The following SPATA31H1 variants were observed in gnomAD, a reference collection of about 807,000 sequenced individuals.
SPATA31H1 encodes the protein SPATA31 subfamily H member 1.
At chr2:27,570,169 C>T in the SPATA31H1 span, 1 of 398,754 alleles carries the variant, frequency 2.5e-6, no homozygotes, top group African/African-American at 2.1e-5. Context: ...ATGCAGTTGA[C>T]ACCAGGAGCT....
chr2:27,539,565 T>C, the SPATA31H1 span, among the ~76,000 whole-genome samples: 706 of 115,018 alleles, frequency 6.1e-3, 1 homozygote, highest in Non-Finnish European at 8.3e-3. Context: ...TTTTCCCCAC[T>C]CTTCCCGCCT....
chr2:27,539,172 G>A, the SPATA31H1 span, among the ~76,000 whole-genome samples: 1 of 141,738 alleles, frequency 7.1e-6, no homozygotes, highest in East Asian at 2.0e-4. Flanking sequence ...ATTTGGCAGG[G>A]TCATAGGACA....
At chr2:27,570,456 A>G in the SPATA31H1 span, 1 of 398,984 alleles carries the variant, frequency 2.5e-6, no homozygotes, top group Admixed American at 4.4e-5. Flanking sequence ...TCCAGGATCA[A>G]TGTTTCATAG....
At chr2:27,555,060 CCTT>C in the SPATA31H1 span, among the ~76,000 whole-genome samples, 2 of 151,924 alleles carry the variant, frequency 1.3e-5, no homozygotes, top group African/African-American at 2.4e-5. Flanking sequence ...AAGGAAGTCT[CCTT>C]CTATTCCTGT....
At chr2:27,544,844 G>A in the SPATA31H1 span, among the ~76,000 whole-genome samples, 4 of 151,622 alleles carry the variant, frequency 2.6e-5, no homozygotes, top group Non-Finnish European at 5.9e-5. Context: ...CACTTCATCC[G>A]GCCGACAACA....
chr2:27,574,349 G>A, the SPATA31H1 span: 10 of 398,098 alleles, frequency 2.5e-5, no homozygotes, highest in Non-Finnish European at 3.1e-5. Context: ...GTGTGAAATC[G>A]GTAGAATTCA....
chr2:27,563,708 C>T, the SPATA31H1 span, among the ~76,000 whole-genome samples: 4 of 151,658 alleles, frequency 2.6e-5, no homozygotes, highest in African/African-American at 7.3e-5. Context: ...TACAGGTGCA[C>T]GCCACCATGC....
the SPATA31H1 span, among the ~76,000 whole-genome samples, chr2:27,539,672 C>T: frequency 1.0e-5 from 1 of 99,666 alleles, no homozygotes; most frequent in Non-Finnish European, 2.0e-5. Context: ...AGAGGGGCTC[C>T]TCACTTCCCA....
At chr2:27,541,403 G>C in the SPATA31H1 span, among the ~76,000 whole-genome samples, 1 of 151,490 alleles carries the variant, frequency 6.6e-6, no homozygotes, top group Non-Finnish European at 1.5e-5. Flanking sequence ...CCGTGGGAAG[G>C]GGGAGAGAGA....
chr2:27,567,874 T>C, the SPATA31H1 span: 1 of 398,926 alleles, frequency 2.5e-6, no homozygotes, highest in Non-Finnish European at 4.4e-6. Context: ...ATGGATTCAA[T>C]GGGGATGATC....
chr2:27,563,420 G>T, the SPATA31H1 span, among the ~76,000 whole-genome samples: 3 of 100,972 alleles, frequency 3.0e-5, no homozygotes, highest in Admixed American at 1.5e-4. Context: ...TTGAGACAGG[G>T]TCTTACTGTA....
chr2:27,578,509 C>T, the SPATA31H1 span: 1 of 1,614,094 alleles, frequency 6.2e-7, no homozygotes, highest in Non-Finnish European at 8.5e-7. Context: ...CTGATAGTAC[C>T]TGCAGAATTA....
chr2:27,556,849 T>C, the SPATA31H1 span, among the ~76,000 whole-genome samples: 1 of 109,740 alleles, frequency 9.1e-6, no homozygotes, highest in Non-Finnish European at 1.8e-5. Context: ...CAGAGGACCC[T>C]GCGGCCTTGG....
the SPATA31H1 span, chr2:27,581,045 T>C: frequency 1.2e-6 from 2 of 1,614,092 alleles, no homozygotes; most frequent in East Asian, 2.2e-5. Context: ...AAAACTTCTA[T>C]AGAAATGAAA....
chr2:27,582,235 C>T, the SPATA31H1 span: 8 of 1,613,964 alleles, frequency 5.0e-6, no homozygotes, highest in African/African-American at 1.3e-5. Context: ...CATCGCAGTC[C>T]CTCCGGGATG....
the SPATA31H1 span, chr2:27,579,881 C>A: frequency 6.2e-7 from 1 of 1,614,150 alleles, no homozygotes; most frequent in Non-Finnish European, 8.5e-7. Context: ...GTCAAATACC[C>A]CCCGATGTGC....
chr2:27,545,777 G>A, the SPATA31H1 span, among the ~76,000 whole-genome samples: 1 of 151,640 alleles, frequency 6.6e-6, no homozygotes, highest in African/African-American at 2.4e-5. Context: ...TGGCCAGGCT[G>A]GTCTTGAACT....
chr2:27,539,101 CTTTTTTTTTTTTTTTT>C, the SPATA31H1 span, among the ~76,000 whole-genome samples: 2 of 94,642 alleles, frequency 2.1e-5, no homozygotes, highest in Non-Finnish European at 4.2e-5. Flanking sequence ...TCATCATTTT[CTTTTTTTTTTTTTTTT>C]TTTTTTTTTA....
chr2:27,582,393 C>G, the SPATA31H1 span: 3 of 1,614,254 alleles, frequency 1.9e-6, no homozygotes, highest in Non-Finnish European at 1.7e-6. Flanking sequence ...TAAGGAGGGA[C>G]TCAAGTACAG....
Sources: gnomAD v4.1 joint callset for allele counts (sites outside exome capture counted in the v4.1 genomes callset) on GRCh38, gnomAD v4.1.1 for gene constraint, MANE v1.5 for transcripts, NCBI Gene and HGNC (gene_info 2026-07-23, HGNC 2026-07-21) for gene names.